The following SCN8A variants were observed in gnomAD, a reference collection of about 807,000 sequenced individuals.
SCN8A encodes the protein sodium channel protein type 8 subunit alpha.
In SCN8A, 30 loss-of-function variants were observed where a neutral mutation model predicts 184.1. The observed-to-expected ratio is 0.16, with a 90% CI of 0.12 to 0.22. The LOEUF (loss-of-function observed/expected upper bound fraction) is 0.22. Among genes scored for constraint, SCN8A ranks in the 10% least tolerant of loss-of-function variants. SCN8A has a pLI of 1.00. For synonymous variants in SCN8A, 852 were observed against 907.0 expected, an observed-to-expected ratio of 0.94 and a Z score of 1.09; for missense variants, 1,057 against 2,498.9, an observed-to-expected ratio of 0.42 and a Z score of 12.30.
chr12:51,619,780 G>A (rs914961489), intron 1 of SCN8A, among the ~76,000 whole-genome samples: 68 of 152,118 alleles, frequency 4.5e-4, no homozygotes, highest in Non-Finnish European at 8.7e-4. Context: ...CAACCAAAAG[G>A]GAAGGATATA....
At chr12:51,629,114 G>A (rs1940141199) in intron 1 of SCN8A, among the ~76,000 whole-genome samples, 2 of 152,210 alleles carry the variant, frequency 1.3e-5, no homozygotes, top group African/African-American at 4.8e-5. Context: ...AGCTCGTAGA[G>A]GCAAATTCTA....
Position 51,747,422 on chromosome 12 carries a change from T to C in SCN8A, c.2131+1387T>C, listed in dbSNP as rs78702061. On this transcript the variant is annotated intron_variant, in intron 13 of 26. Coordinates refer to ENST00000627620, the MANE Select transcript of SCN8A (RefSeq NM_001330260.2). Reference sequence around the variant, plus strand: ...GTCCTAAGAATTCCAAGCTAAGAAATCCTAGCCTAAGAACTTTGGCTAATT... The same window carrying C: ...GTCCTAAGAATTCCAAGCTAAGAAACCCTAGCCTAAGAACTTTGGCTAATT... 8.1e-3 allele frequency among the ~76,000 whole-genome samples: 1,239 copies of C among 152,158 alleles called. 14 individuals are homozygous for C. The highest frequency in any genetic ancestry group is 0.028 in the African/African-American group (1,178 of 41,512).
At position 51,786,736 on chromosome 12, in the gene SCN8A, T is replaced by C. The variant is rs758582526; in HGVS notation, c.4137T>C (p.Leu1379=). 2 of 1,613,982 alleles carry C rather than the reference T, an allele frequency of 1.2e-6. No homozygotes were observed. Among genetic ancestry groups the C allele is most frequent in the Non-Finnish European group, 1.7e-6 (2 of 1,179,872 alleles). ...ACAATAAAACTGAATGTGAAAAGCT[T>C]ATGGAGGGGAACAATACAGAGATCA... The part of the protein sequence containing the change: ...DVNNKTECEK[L]MEGNNTEIRW... Residue 1379 remains leucine, a synonymous_variant, in exon 22 of 27, where the codon CTT becomes CTC. Coordinates refer to ENST00000627620, the MANE Select transcript of SCN8A (RefSeq NM_001330260.2).
chr12:51,778,220 A>AT (rs1195890249), intron 20 of SCN8A, among the ~76,000 whole-genome samples: 1 of 152,186 alleles, frequency 6.6e-6, no homozygotes, highest in Non-Finnish European at 1.5e-5. Flanking sequence ...TTCAGAGAAG[A>AT]TAACTACACT....
intron 2 of SCN8A, among the ~76,000 whole-genome samples, chr12:51,683,724 G>A (rs1414281511): frequency 6.6e-6 from 1 of 152,000 alleles, no homozygotes; most frequent in African/African-American, 2.4e-5. Context: ...TTTATTTATT[G>A]TCTGTCTTTC....
At chr12:51,766,903 C>T (rs189364949) in intron 16 of SCN8A, among the ~76,000 whole-genome samples, 28 of 152,274 alleles carry the variant, frequency 1.8e-4, no homozygotes, top group African/African-American at 6.5e-4. Flanking sequence ...GGCCCCTAAT[C>T]CCACCTGCAA....
chr12:51,776,415 A>G (rs1056006050), intron 20 of SCN8A, among the ~76,000 whole-genome samples: 1 of 152,246 alleles, frequency 6.6e-6, no homozygotes, highest in African/African-American at 2.4e-5. Flanking sequence ...GTGGTGCCCA[A>G]CTGGCTCCTG....
chr12:51,743,230 T>C (rs1240977862), intron 12 of SCN8A, among the ~76,000 whole-genome samples: 8 of 152,186 alleles, frequency 5.3e-5, no homozygotes, highest in African/African-American at 1.9e-4. Context: ...TTTAGTTCTT[T>C]TGGTGAGGCC....
chr12:51,653,845 A>G (rs1249481317), intron 1 of SCN8A, among the ~76,000 whole-genome samples: 1 of 152,134 alleles, frequency 6.6e-6, no homozygotes, highest in African/African-American at 2.4e-5. Context: ...TTCTGTGTGT[A>G]TGTGTTTTTA....
At chr12:51,707,745 GA>G (rs1941808030) in intron 11 of SCN8A, among the ~76,000 whole-genome samples, 1 of 152,072 alleles carries the variant, frequency 6.6e-6, no homozygotes, top group Non-Finnish European at 1.5e-5. Context: ...GTTTTTTGAG[GA>G]GCCTCCATAC....
intron 11 of SCN8A, 37 bp downstream of exon 11, chr12:51,706,752 G>A (rs772137763): frequency 5.1e-5 from 72 of 1,409,512 alleles, no homozygotes; most frequent in Non-Finnish European, 6.4e-5. Flanking sequence ...TTTCAAAAAT[G>A]TATTTTTTAT....
intron 1 of SCN8A, among the ~76,000 whole-genome samples, chr12:51,630,245 C>G (rs1378584373): frequency 6.6e-6 from 1 of 152,088 alleles, no homozygotes; most frequent in Non-Finnish European, 1.5e-5. Flanking sequence ...AACTTAAACT[C>G]TAGCTATTAA....
chr12:51,592,138 C>G (rs2138539343), intron 1 of SCN8A, among the ~76,000 whole-genome samples: 1 of 149,178 alleles, frequency 6.7e-6, no homozygotes, highest in South Asian at 2.2e-4. Context: ...AGCAGCAGCA[C>G]CCTTGGCTTC....
At chr12:51,674,900 G>A (rs1941196429) in intron 2 of SCN8A, among the ~76,000 whole-genome samples, 1 of 152,164 alleles carries the variant, frequency 6.6e-6, no homozygotes, top group African/African-American at 2.4e-5. Flanking sequence ...CTAAGATCAT[G>A]ACAGCTAATG....
intron 1 of SCN8A, among the ~76,000 whole-genome samples, chr12:51,630,595 T>C (rs1249152578): frequency 1.3e-5 from 2 of 152,132 alleles, no homozygotes; most frequent in Non-Finnish European, 2.9e-5. Context: ...CATTGTAAAA[T>C]GATTTTAAAA....
chr12:51,762,359 CATCCAGGT>C, intron 14 of SCN8A, 136 bp from the exon 15 acceptor site: 3 of 741,272 alleles, frequency 4.0e-6, no homozygotes, highest in Non-Finnish European at 6.6e-6. Flanking sequence ...GCTCATGAGA[CATCCAGGT>C]ATTGATATCT....
chr12:51,705,991 A>G (rs189138911), intron 10 of SCN8A, among the ~76,000 whole-genome samples: 3 of 152,362 alleles, frequency 2.0e-5, no homozygotes, highest in Admixed American at 2.0e-4. Flanking sequence ...CTAATTAAAA[A>G]GAAGATACAG....
chr12:51,686,343 A>T, intron 3 of SCN8A, 25 bp from the exon 4 acceptor site: 1 of 1,472,312 alleles, frequency 6.8e-7, no homozygotes, highest in Non-Finnish European at 9.5e-7. Context: ...CCAGATTTTA[A>T]TATTGCCCCT....
intron 10 of SCN8A, 24 bp downstream of exon 10, chr12:51,705,647 A>T (rs1941771636): frequency 6.3e-7 from 1 of 1,595,672 alleles, no homozygotes; most frequent in South Asian, 1.1e-5. Flanking sequence ...TCTTTGCAAT[A>T]GACCTTCCTG....
Sources: gnomAD v4.1 joint callset for allele counts (sites outside exome capture counted in the v4.1 genomes callset) on GRCh38, gnomAD v4.1.1 for gene constraint, MANE v1.5 for transcripts, NCBI Gene and HGNC (gene_info 2026-07-23, HGNC 2026-07-21) for gene names.